Variants in FOXJ3 observed in about 807,000 individuals in gnomAD.
The protein encoded by FOXJ3 is forkhead box J3.
FOXJ3 carries 22 observed loss-of-function variants against 76.1 expected under a neutral mutation model. That is an observed-to-expected ratio of 0.29 (90% CI 0.21 to 0.41). The LOEUF (loss-of-function observed/expected upper bound fraction) is 0.41, where lower values mean the gene tolerates loss of function less well. Ranked by LOEUF, FOXJ3 falls within the 10% of genes least tolerant of loss-of-function variation. FOXJ3 has a pLI of 1.00. For synonymous variants in FOXJ3, 269 were observed against 261.2 expected (o/e 1.03, Z -0.29); for missense variants, 613 against 762.1 (o/e 0.80, Z 2.30).
intron 5 of FOXJ3, among the ~76,000 whole-genome samples, chr1:42,210,506 G>A (rs1458139510): frequency 6.6e-6 from 1 of 152,062 alleles, no homozygotes; most frequent in Non-Finnish European, 1.5e-5. Context: ...CATCTGCAGG[G>A]ACAATAACAC....
chr1:42,280,438 TAA>T (rs71065112), intron 2 of FOXJ3: 109 of 77,504 alleles, frequency 1.4e-3, no homozygotes, highest in South Asian at 2.7e-3. Flanking sequence ...TCAGAGATCT[TAA>T]AAAAAAAAAA....
At position 42,177,576 on chromosome 1, in the gene FOXJ3, G is replaced by A. The variant is rs1646237557; in HGVS notation, c.*2134C>T. The stretch of plus-strand genomic sequence containing the variant: ...TGATCCTTCTAAGAGGCGCAAGTTG[G>A]CTGCCTTTCCAGAATCCTCTGATTT... On this transcript the variant is annotated 3_prime_UTR_variant, in exon 13 of 13. Transcript: ENST00000361346. The A allele has an allele frequency of 6.6e-6, 1 of 152,418 alleles. No homozygotes were observed. Among genetic ancestry groups the A allele is most frequent in the African/African-American group, 2.4e-5 (1 of 41,348 alleles). The allele number at this position is 152,418 out of a possible 1,614,324, so 9.4% of individuals were successfully genotyped here. A position where few individuals can be genotyped will look rare whatever the true frequency, so the allele number is the denominator to read the frequency against.
intron 4 of FOXJ3, among the ~76,000 whole-genome samples, chr1:42,258,554 A>AT (rs1219134364): frequency 6.6e-6 from 1 of 152,216 alleles, no homozygotes; most frequent in Non-Finnish European, 1.5e-5. Context: ...AACTATTCCA[A>AT]TGCCTGCTTA....
At chr1:42,185,610 T>C (rs566887666) in intron 11 of FOXJ3, among the ~76,000 whole-genome samples, 1 of 152,178 alleles carries the variant, frequency 6.6e-6, no homozygotes, top group South Asian at 2.1e-4. Context: ...GGTCATGTCT[T>C]TATTCTCAGT....
chr1:42,287,832 T>C (rs926205497), intron 2 of FOXJ3, among the ~76,000 whole-genome samples: 1 of 152,072 alleles, frequency 6.6e-6, no homozygotes, highest in African/African-American at 2.4e-5. Flanking sequence ...AGTGTGGTAG[T>C]GTGTCCCTGT....
intron 4 of FOXJ3, among the ~76,000 whole-genome samples, chr1:42,241,970 T>C (rs936852762): frequency 2.6e-5 from 4 of 152,306 alleles, no homozygotes; most frequent in African/African-American, 2.4e-5. Context: ...CTAATGACTA[T>C]AGCCCAAGTC....
At chr1:42,180,509 T>C (rs1430288240) in intron 12 of FOXJ3, among the ~76,000 whole-genome samples, 1 of 152,210 alleles carries the variant, frequency 6.6e-6, no homozygotes, top group Non-Finnish European at 1.5e-5. Context: ...GAGGTTGATA[T>C]TTACTTGTAG....
At chr1:42,193,974 C>T (rs959651264) in intron 8 of FOXJ3, among the ~76,000 whole-genome samples, 2 of 152,276 alleles carry the variant, frequency 1.3e-5, no homozygotes, top group East Asian at 1.9e-4. Flanking sequence ...GTGAGAATAC[C>T]GCTAAAAGGC....
At chr1:42,267,223 C>A (rs2124636086) in intron 3 of FOXJ3, among the ~76,000 whole-genome samples, 1 of 152,182 alleles carries the variant, frequency 6.6e-6, no homozygotes, top group Middle Eastern at 3.4e-3. Flanking sequence ...AAGCATACCA[C>A]TGAATAACAA....
chr1:42,267,896 T>C (rs1295478689), intron 3 of FOXJ3, among the ~76,000 whole-genome samples: 2 of 151,888 alleles, frequency 1.3e-5, no homozygotes, highest in South Asian at 2.1e-4. Flanking sequence ...TCAGAGAATT[T>C]TGAGGGTAGA....
At chr1:42,273,714 T>G (rs1456256816) in intron 3 of FOXJ3, among the ~76,000 whole-genome samples, 1 of 146,458 alleles carries the variant, frequency 6.8e-6, no homozygotes, top group Non-Finnish European at 1.5e-5. Context: ...AAGAGGAGGA[T>G]ATCATGTAGA....
chr1:42,191,538 G>C lies in FOXJ3; in HGVS notation c.1116C>G (p.His372Gln), dbSNP rs747439041. The change falls in exon 9 of 13, where the codon CAC (histidine) becomes CAG (glutamine). Residue 372 changes from histidine to glutamine, a missense_variant. Coordinates refer to ENST00000361346, the MANE Select transcript of FOXJ3 (RefSeq NM_014947.5). ...SNSVAQVSLSHPQMHTQPSPH... is the reference protein window; with the variant it reads ...SNSVAQVSLSQPQMHTQPSPH... ...GAGATGGCTGTGTGTGCATCTGGGG[G>C]TGAGACAGTGAGACCTGTGCAACCG... 1 of 1,614,088 alleles carries C rather than the reference G, an allele frequency of 6.2e-7. No homozygotes were observed. Among genetic ancestry groups the C allele is most frequent in the South Asian group, 1.1e-5 (1 of 91,080 alleles).
At position 42,217,401 on chromosome 1, in the gene FOXJ3, C is replaced by T. The variant is rs558468152; in HGVS notation, c.528+10482G>A. 3.8e-4 allele frequency among the ~76,000 whole-genome samples: 58 copies of T among 152,062 alleles called. No homozygotes were observed. In the South Asian group the frequency reaches 0.01, roughly 27 times the overall value. Reference sequence around the variant, plus strand: ...AAACTTCGCTGGGCGTGGTGGCATGCGCCTGTAGTCCCAGCTACTCGGGAG... The same window carrying T: ...AAACTTCGCTGGGCGTGGTGGCATGTGCCTGTAGTCCCAGCTACTCGGGAG... On this transcript the variant is annotated intron_variant, in intron 5 of 12. Coordinates refer to ENST00000361346, the MANE Select transcript of FOXJ3 (RefSeq NM_014947.5).
Position 42,243,081 on chromosome 1 carries a change from C to T in FOXJ3, c.445-15115G>A, listed in dbSNP as rs117022937. On this transcript the variant is annotated intron_variant, in intron 4 of 12. Coordinates refer to ENST00000361346, the MANE Select transcript of FOXJ3 (RefSeq NM_014947.5). ...CAGCATGTAGGTAAAAAATACTGTT[C>T]CCAGGAAAGTTACCCTGAAGCAAAA... Among the ~76,000 whole-genome samples, 140 of 152,198 alleles carry T rather than the reference C, an allele frequency of 9.2e-4. No individual in the cohort carries two copies. The East Asian group carries it at 0.019, about 20-fold the overall frequency.
chr1:42,293,097 C>T (rs898180279), intron 2 of FOXJ3, among the ~76,000 whole-genome samples: 1 of 151,816 alleles, frequency 6.6e-6, no homozygotes, highest in Non-Finnish European at 1.5e-5. Flanking sequence ...TGAGACTCTG[C>T]CTCCAAAAAT....
intron 4 of FOXJ3, among the ~76,000 whole-genome samples, chr1:42,245,048 C>T (rs1191246293): frequency 6.6e-6 from 1 of 151,666 alleles, no homozygotes; most frequent in South Asian, 2.1e-4. Flanking sequence ...GGCATGGTGG[C>T]GTGCGCCTGT....
intron 4 of FOXJ3, among the ~76,000 whole-genome samples, chr1:42,253,670 A>T (rs1557676546): frequency 6.6e-6 from 1 of 152,282 alleles, no homozygotes; most frequent in Non-Finnish European, 1.5e-5. Context: ...CATATCTACA[A>T]CCATCTGATT....
intron 2 of FOXJ3, among the ~76,000 whole-genome samples, chr1:42,284,929 T>G (rs1652953068): frequency 1.3e-5 from 2 of 152,186 alleles, no homozygotes; most frequent in Admixed American, 1.3e-4. Flanking sequence ...AAATCTAAAA[T>G]TTTTATTTAA....
intron 5 of FOXJ3, among the ~76,000 whole-genome samples, chr1:42,216,241 G>A (rs948233071): frequency 7.2e-5 from 11 of 152,012 alleles, no homozygotes; most frequent in African/African-American, 1.5e-4. Context: ...TACTGTTGCC[G>A]GGCGCGGTGG....
Sources: gnomAD v4.1 joint callset for allele counts (sites outside exome capture counted in the v4.1 genomes callset) on GRCh38, gnomAD v4.1.1 for gene constraint, MANE v1.5 for transcripts, NCBI Gene and HGNC (gene_info 2026-07-23, HGNC 2026-07-21) for gene names.